The following TERT variants were observed in gnomAD, a reference collection of about 807,000 sequenced individuals.
The protein encoded by TERT is telomerase catalytic subunit.
A neutral mutation model predicts 104.0 loss-of-function variants in TERT; 42 were observed. That is an observed-to-expected ratio of 0.40 (90% CI 0.32 to 0.52). The LOEUF is 0.52. Among genes scored for constraint, TERT ranks in the 20% least tolerant of loss-of-function variants. The probability of loss-of-function intolerance (pLI) is 0.43; values close to 1 mark genes in which losing one functional copy is unlikely to be tolerated. For missense variants in TERT, 1,101 were observed against 1,610.3 expected (o/e 0.68, Z 5.41); for synonymous variants, 781 against 725.6 (o/e 1.08, Z -1.23).
Position 1,292,245 on chromosome 5 carries a change from C to T in TERT, c.1573+1068G>A, listed in dbSNP as rs1751041190. Among the ~76,000 whole-genome samples the T allele has an allele frequency of 6.6e-6, 1 of 152,106 alleles. No homozygotes were observed. Among genetic ancestry groups the T allele is most frequent in the African/African-American group, 2.4e-5 (1 of 41,392 alleles). On this transcript the variant is annotated intron_variant, in intron 2 of 15. Transcript: ENST00000310581. This position sits in a 1 kb window ranked among gnomAD's most constrained non-coding sequence, Gnocchi z 5.5. ...AAATCGGGACTTCTTCTAGCTGCCA[C>T]GGTAGGGCCTGGGAGCACTGGGAGC...
rs1395849767 is a variant in TERT, at chr5:1,294,502, G to T, written c.384C>A (p.Thr128=). 1 of 1,584,270 alleles carries T rather than the reference G, an allele frequency of 6.3e-7. No homozygotes were observed. Among genetic ancestry groups the T allele is most frequent in the Non-Finnish European group, 8.5e-7 (1 of 1,173,078 alleles). ...SVRSYLPNTV[T]DALRGSGAWG... ...ACGCCCCGCTCCCCCGCAGTGCGTC[G>T]GTCACCGTGTTGGGCAGGTAGCTGC... The change falls in exon 2 of 16, where the codon ACC becomes ACA. Residue 128 remains threonine (T), a synonymous_variant. Coordinates refer to ENST00000310581, the MANE Select transcript of TERT (RefSeq NM_198253.3).
At chr5:1,258,512 G>T in intron 13 of TERT, 86 bp downstream of exon 13, 1 of 1,248,018 alleles carries the variant, frequency 8.0e-7, no homozygotes, top group Non-Finnish European at 1.1e-6. Context: ...AAACCCAGGA[G>T]TTCCAAGGTG....
rs1001158576 is a variant in TERT, at chr5:1,256,572, A to C, written c.3033-1161T>G. Among the ~76,000 whole-genome samples, 1 of 140,090 alleles carries C rather than the reference A, an allele frequency of 7.1e-6. No homozygotes were observed. Among genetic ancestry groups the C allele is most frequent in the Admixed American group, 7.3e-5 (1 of 13,654 alleles). 91.9% of individuals were successfully genotyped at this position (140,090 alleles called of 152,430 possible). On this transcript the variant is annotated intron_variant, in intron 13 of 15. Coordinates refer to ENST00000310581, the MANE Select transcript of TERT (RefSeq NM_198253.3). This position sits in a 1 kb window ranked among gnomAD's most constrained non-coding sequence, Gnocchi z 7.0. ...ATCTCACCCACTGCCTGAGCCCCCC[A>C]TGTACCTGGTCTCACTGACTTCCTG... is the stretch of plus-strand genomic sequence containing the variant.
intron 9 of TERT, among the ~76,000 whole-genome samples, chr5:1,267,456 C>A (rs944265426): frequency 2.0e-5 from 3 of 152,190 alleles, no homozygotes; most frequent in Non-Finnish European, 4.4e-5. Context: ...ACTAGAAATA[C>A]CATTTGACCC....
At chr5:1,284,354 T>A (rs1428520969) in intron 2 of TERT, among the ~76,000 whole-genome samples, 4 of 76,932 alleles carry the variant, frequency 5.2e-5, no homozygotes, top group Admixed American at 1.5e-4. Flanking sequence ...TCATCCGGAC[T>A]CCATACCTCC....
intron 2 of TERT, among the ~76,000 whole-genome samples, chr5:1,283,211 C>T (rs1205441615): frequency 2.1e-5 from 3 of 144,052 alleles, no homozygotes; most frequent in Non-Finnish European, 4.6e-5. Context: ...ATCCAGCTAA[C>T]CGCAGGGCCT....
chr5:1,290,343 C>A (rs1216428890), intron 2 of TERT, among the ~76,000 whole-genome samples: 2 of 65,646 alleles, frequency 3.0e-5, no homozygotes, highest in Non-Finnish European at 5.6e-5. Flanking sequence ...CACCCGGGGA[C>A]GGCACCTCAC....
intron 12 of TERT, among the ~76,000 whole-genome samples, 193 bp downstream of exon 12, chr5:1,260,281 T>C (rs765339060): frequency 6.6e-6 from 1 of 152,258 alleles, no homozygotes; most frequent in Non-Finnish European, 1.5e-5. Flanking sequence ...CTTGCACACC[T>C]GTGCACACAC....
intron 6 of TERT, among the ~76,000 whole-genome samples, chr5:1,277,500 C>G (rs1292312698): frequency 6.6e-6 from 1 of 152,140 alleles, no homozygotes; most frequent in African/African-American, 2.4e-5. Flanking sequence ...AAACCCACCT[C>G]CTGCCTGATC....
intron 5 of TERT, among the ~76,000 whole-genome samples, 172 bp downstream of exon 5, chr5:1,279,119 G>A (rs1749824229): frequency 6.6e-6 from 1 of 152,220 alleles, no homozygotes; most frequent in South Asian, 2.1e-4. Context: ...TGTGCTGCAG[G>A]AAAGGCTGAA....
Position 1,269,698 on chromosome 5 carries a change from C to T in TERT, c.2469-1065G>A, listed in dbSNP as rs1449254875. 1.3e-5 allele frequency among the ~76,000 whole-genome samples: 2 copies of T among 152,032 alleles called. No homozygotes were observed. The highest frequency in any genetic ancestry group is 3.8e-4 in the East Asian group (2 of 5,204). ...ATGGGCAAGAGGACTGCACTTTTTG[C>T]ACAGAAGCACACGCACCAACTCTAG... On this transcript the variant is annotated intron_variant, in intron 8 of 15. Coordinates refer to ENST00000310581, the MANE Select transcript of TERT (RefSeq NM_198253.3). This position sits in a 1 kb window ranked among gnomAD's most constrained non-coding sequence, Gnocchi z 9.0.
At position 1,263,757 on chromosome 5, in the gene TERT, C is replaced by T. The variant is rs1748389342; in HGVS notation, c.2843+647G>A. On this transcript the variant is annotated intron_variant, in intron 11 of 15. Transcript: ENST00000310581. The surrounding 1 kb of genome is among the most constrained non-coding windows in gnomAD (Gnocchi z 5.3). ...AAAGAAACAGCACAGATTTCTGCAT[C>T]TGTGTCCATCTTCAATTCATTTGTG... Among the ~76,000 whole-genome samples the T allele has an allele frequency of 6.6e-6, 1 of 152,252 alleles. No individual in the cohort carries two copies. Among genetic ancestry groups the T allele is most frequent in the African/African-American group, 2.4e-5 (1 of 41,468 alleles).
At chr5:1,260,384 C>A in intron 12 of TERT, 90 bp downstream of exon 12, 4 of 1,594,826 alleles carry the variant, frequency 2.5e-6, no homozygotes, top group Non-Finnish European at 3.4e-6. Flanking sequence ...TCACCATCAG[C>A]CTTGCAGGCA....
chr5:1,267,960 G>T (rs1475314765), intron 9 of TERT, among the ~76,000 whole-genome samples: 1 of 151,806 alleles, frequency 6.6e-6, no homozygotes, highest in East Asian at 1.9e-4. Context: ...TCGTGCACAT[G>T]TACCCTAGAA....
chr5:1,265,126 C>T lies in TERT; in HGVS notation c.2655-534G>A, dbSNP rs1454594458. 2.6e-5 allele frequency among the ~76,000 whole-genome samples: 4 copies of T among 152,202 alleles called. No homozygotes were observed. The highest frequency in any genetic ancestry group is 1.9e-4 in the East Asian group (1 of 5,198). On this transcript the variant is annotated intron_variant, in intron 10 of 15. Transcript: ENST00000310581. The surrounding 1 kb of genome is among the most constrained non-coding windows in gnomAD (Gnocchi z 6.9). ...GGGCTGTGAGCTGGGCAACACCAGT[C>T]GTCAGCTTCACGTCAAGGAGGTTCC...
Position 1,255,275 on chromosome 5 carries a change from A to G in TERT, c.3157+12T>C, listed in dbSNP as rs1487659156. 4 of 1,613,014 alleles carry G rather than the reference A, an allele frequency of 2.5e-6. No individual in the cohort carries two copies. The South Asian group carries it at 4.4e-5, about 18-fold the overall frequency. The stretch of plus-strand genomic sequence containing the variant: ...GGCACTGCTGCCACTGAGGCCAGGC[A>G]CCTGCACATACCTGCGTTCTTGGCT... On this transcript the variant is annotated intron_variant, in intron 14 of 15. Transcript: ENST00000310581. This position sits in a 1 kb window ranked among gnomAD's most constrained non-coding sequence, Gnocchi z 6.9.
intron 7 of TERT, among the ~76,000 whole-genome samples, chr5:1,271,763 C>G (rs34297995): frequency 0.016 from 2,410 of 152,282 alleles, 76 homozygotes; most frequent in African/African-American, 0.056. Context: ...AAACACGGCC[C>G]GTCCTCCTAA....
Position 1,253,803 on chromosome 5 carries a change from C to G in TERT, c.3324G>C (p.Pro1108=), listed in dbSNP as rs35033501. The G allele has an allele frequency of 1.2e-6, 2 of 1,611,318 alleles. No individual in the cohort carries two copies. Among genetic ancestry groups the G allele is most frequent in the South Asian group, 1.1e-5 (1 of 90,386 alleles). Residue 1108 remains proline, a synonymous_variant, in exon 16 of 16, where the codon CCG becomes CCC. Transcript: ENST00000310581. ...CCTCCAGGGCAGTCAGCGTCGTCCC[C>G]GGGAGCTTCCGACTCAGCTGCGTCT... ...TAQTQLSRKL[P]GTTLTALEAA...
intron 6 of TERT, among the ~76,000 whole-genome samples, chr5:1,278,223 G>A (rs934669847): frequency 7.2e-5 from 11 of 152,202 alleles, no homozygotes; most frequent in African/African-American, 1.7e-4. Context: ...ACCCGAGAGC[G>A]TGAGGACAAT....
Sources: allele counts gnomAD v4.1 joint callset (sites outside exome capture counted in the v4.1 genomes callset), GRCh38; gene constraint gnomAD v4.1.1; non-coding constraint Gnocchi (gnomAD v3.1); transcripts MANE v1.5; gene names NCBI Gene and HGNC (gene_info 2026-07-23, HGNC 2026-07-21).